The following TMPRSS15 variants were observed in gnomAD, a reference collection of about 807,000 sequenced individuals.
TMPRSS15 encodes enteropeptidase.
TMPRSS15 carries 128 observed loss-of-function variants against 125.3 expected under a neutral mutation model. That is an observed-to-expected ratio of 1.02 (90% confidence interval 0.89 to 1.18). TMPRSS15 has a LOEUF of 1.18. Among genes scored for constraint, TMPRSS15 ranks in the 50% most tolerant of loss-of-function variants. The pLI is 0.00. For synonymous variants in TMPRSS15, 446 were observed against 423.2 expected (o/e 1.05, Z -0.66); for missense variants, 1,283 against 1,212.7 (o/e 1.06, Z -0.86).
rs564128358 is a variant in TMPRSS15, at chr21:18,365,472, TTCTC to T, written c.665-228_665-225del. On this transcript the variant is annotated intron_variant, in intron 6 of 24. Coordinates refer to ENST00000284885, the MANE Select transcript of TMPRSS15 (RefSeq NM_002772.3). ...AAATTCTTTCTTTCTCTCTCTCTCT[TTCTC>T]TCTTTCTTTCTCCTTCCTTTTCCCT... Among the ~76,000 whole-genome samples the T allele has an allele frequency of 2.8e-3, 425 of 151,614 alleles. 5 individuals are homozygous for T. The highest frequency in any genetic ancestry group is 9.8e-3 in the African/African-American group (406 of 41,444).
At position 18,294,423 on chromosome 21, in the gene TMPRSS15, G is replaced by A. The variant is rs746890958; in HGVS notation, c.2333C>T (p.Ala778Val). The A allele has an allele frequency of 3.7e-6, 6 of 1,614,234 alleles. No individual in the cohort carries two copies. Among genetic ancestry groups the A allele is most frequent in the Non-Finnish European group, 5.1e-6 (6 of 1,180,048 alleles). ...NHKSCGKKLA[A>V]QDITPKIVGG... ...AACAATCTTTGGGGTGATGTCTTGA[G>A]CTGCCAGTTTTTTTCCACAAGCTAT... The change falls in exon 21 of 25, where the codon GCT (alanine) becomes GTT (valine). Residue 778 changes from alanine to valine, a missense_variant. Ala to Val is a moderately conservative substitution (Grantham distance 64, BLOSUM62 0). Transcript: ENST00000284885.
At chr21:18,365,649 C>CCCTCCCTTCCTTCCTTCCTT (rs1555904784) in intron 6 of TMPRSS15, among the ~76,000 whole-genome samples, 2 of 65,862 alleles carry the variant, frequency 3.0e-5, no homozygotes, top group African/African-American at 6.9e-5. Context: ...TCTTTTTCCT[C>CCCTCCCTTCCTTCCTTCCTT]CCTTCCTTCC....
At chr21:18,368,381 A>C (rs1303575451) in intron 6 of TMPRSS15, among the ~76,000 whole-genome samples, 2 of 152,222 alleles carry the variant, frequency 1.3e-5, no homozygotes, top group Non-Finnish European at 2.9e-5. Flanking sequence ...TTGGAGTCAG[A>C]TAAGGTCATG....
At chr21:18,396,837 T>C (rs2076045197) in intron 3 of TMPRSS15, among the ~76,000 whole-genome samples, 1 of 146,866 alleles carries the variant, frequency 6.8e-6, no homozygotes, top group Admixed American at 7.0e-5. Flanking sequence ...TATCTATCTA[T>C]CTATCTATCT....
chr21:18,456,771 A>T (rs1001507420), intron 1 of TMPRSS15, among the ~76,000 whole-genome samples: 1 of 152,126 alleles, frequency 6.6e-6, no homozygotes, highest in African/African-American at 2.4e-5. Context: ...GAATAAATGT[A>T]TTATCCTTGA....
chr21:18,459,904 A>C (rs1377782633), intron 1 of TMPRSS15, among the ~76,000 whole-genome samples: 3 of 152,168 alleles, frequency 2.0e-5, no homozygotes, highest in Non-Finnish European at 2.9e-5. Flanking sequence ...ACACATAATT[A>C]ATTAAATTTA....
chr21:18,455,060 T>C (rs1978413259), intron 1 of TMPRSS15, among the ~76,000 whole-genome samples: 1 of 152,100 alleles, frequency 6.6e-6, no homozygotes, highest in Non-Finnish European at 1.5e-5. Flanking sequence ...ATTCTTGTGA[T>C]AGTGAGTGAG....
intron 1 of TMPRSS15, among the ~76,000 whole-genome samples, chr21:18,429,500 A>T (rs1312940566): frequency 6.6e-6 from 1 of 152,220 alleles, no homozygotes; most frequent in Non-Finnish European, 1.5e-5. Flanking sequence ...AGATAATTTG[A>T]ATCAAGAAGG....
chr21:18,445,739 C>G (rs149077449), intron 1 of TMPRSS15, among the ~76,000 whole-genome samples: 29 of 152,112 alleles, frequency 1.9e-4, no homozygotes, highest in Admixed American at 3.3e-4. Context: ...GCTAAAAAAG[C>G]GTTTGGTAAA....
intron 21 of TMPRSS15, among the ~76,000 whole-genome samples, chr21:18,283,777 T>A (rs887217607): frequency 1.3e-5 from 2 of 152,152 alleles, no homozygotes; most frequent in African/African-American, 4.8e-5. Context: ...AATGTTAAAT[T>A]AAGGTATTTC....
intron 7 of TMPRSS15, among the ~76,000 whole-genome samples, chr21:18,360,503 A>T (rs1161291020): frequency 6.6e-6 from 1 of 152,102 alleles, no homozygotes; most frequent in Non-Finnish European, 1.5e-5. Context: ...TCTCCATAGC[A>T]GCTGCACCAT....
intron 8 of TMPRSS15, 118 bp from the exon 9 acceptor site, chr21:18,353,981 CT>C (rs1008481920): frequency 4.1e-5 from 35 of 852,172 alleles, no homozygotes; most frequent in Non-Finnish European, 5.6e-5. Flanking sequence ...AAATATCTAT[CT>C]GATACCACTT....
At chr21:18,395,122 C>T (rs1017073766) in intron 3 of TMPRSS15, among the ~76,000 whole-genome samples, 2 of 152,098 alleles carry the variant, frequency 1.3e-5, no homozygotes, top group African/African-American at 2.4e-5. Flanking sequence ...ACAGGGCTTG[C>T]GTGGAAAAAG....
At chr21:18,484,612 T>G (rs1979044157) in intron 1 of TMPRSS15, among the ~76,000 whole-genome samples, 9 of 151,852 alleles carry the variant, frequency 5.9e-5, no homozygotes, top group Admixed American at 5.9e-4. Context: ...CTTTTATATA[T>G]GTAGTGATCA....
intron 21 of TMPRSS15, among the ~76,000 whole-genome samples, chr21:18,284,550 T>C (rs762318384): frequency 3.9e-5 from 6 of 152,158 alleles, no homozygotes; most frequent in Non-Finnish European, 7.4e-5. Flanking sequence ...GAAAAATCAT[T>C]TTAGATGAAG....
chr21:18,300,356 CTT>C (rs10711798), intron 18 of TMPRSS15, among the ~76,000 whole-genome samples: 48 of 134,376 alleles, frequency 3.6e-4, no homozygotes, highest in South Asian at 4.9e-4. Flanking sequence ...CTTTCTTTCT[CTT>C]TTTTTTTTTT....
intron 8 of TMPRSS15, among the ~76,000 whole-genome samples, chr21:18,355,125 A>T (rs929125538): frequency 2.6e-5 from 4 of 152,036 alleles, no homozygotes; most frequent in Admixed American, 1.3e-4. Flanking sequence ...CAGCATGCAT[A>T]CCTGTGTAAT....
intron 18 of TMPRSS15, among the ~76,000 whole-genome samples, chr21:18,308,980 T>A (rs2075066555): frequency 6.6e-6 from 1 of 152,240 alleles, no homozygotes; most frequent in Non-Finnish European, 1.5e-5. Flanking sequence ...ATTTTCTTTA[T>A]CCAGTCTATC....
At chr21:18,482,794 C>T (rs763214909) in intron 1 of TMPRSS15, among the ~76,000 whole-genome samples, 304 of 151,762 alleles carry the variant, frequency 2.0e-3, no homozygotes, top group Middle Eastern at 6.8e-3. Context: ...AATCTCAATT[C>T]AACTGAAACA....
Sources: gnomAD v4.1 joint callset for allele counts (sites outside exome capture counted in the v4.1 genomes callset) on GRCh38, gnomAD v4.1.1 for gene constraint, MANE v1.5 for transcripts, NCBI Gene and HGNC (gene_info 2026-07-23, HGNC 2026-07-21) for gene names.